Variants in SMYD2 observed in about 807,000 individuals in gnomAD.
The protein encoded by SMYD2 is N-lysine methyltransferase SMYD2.
In SMYD2, 53 loss-of-function variants were observed where a neutral mutation model predicts 59.1. The observed-to-expected ratio is 0.90, with a 90% CI of 0.72 to 1.13. SMYD2 has a LOEUF of 1.13. SMYD2 is among the 50% of genes most tolerant of loss of function. SMYD2 has a pLI of 0.00. For synonymous variants in SMYD2, 208 were observed against 198.8 expected, an observed-to-expected ratio of 1.05 and a Z score of -0.39; for missense variants, 494 against 544.7, an observed-to-expected ratio of 0.91 and a Z score of 0.93.
chr1:214,286,335 G>A (rs1175553153), intron 1 of SMYD2, among the ~76,000 whole-genome samples: 1 of 152,112 alleles, frequency 6.6e-6, no homozygotes, highest in African/African-American at 2.4e-5. Context: ...AGCCAGCTGT[G>A]GTAGCCTGGG....
In SMYD2 at chr1:214,284,253, GGTTTTTTTTTTT is replaced by G. The variant is rs1656495817; in HGVS notation, c.173+2827_173+2838del. Among the ~76,000 whole-genome samples the G allele has an allele frequency of 2.5e-4, 19 of 76,824 alleles. No individual in the cohort carries two copies. In the South Asian group the frequency reaches 6.7e-3, roughly 27 times the overall value. 50.4% of individuals were successfully genotyped at this position (76,824 alleles called of 152,430 possible). A position where few individuals can be genotyped will look rare whatever the true frequency, so the allele number is the denominator to read the frequency against. The stretch of plus-strand genomic sequence containing the variant: ...GCCATTTATCACCATTTTTTGGTGT[GGTTTTTTTTTTT>G]TTTTTTTTTTTTGAGACAGAGTTTC... On this transcript the variant is annotated intron_variant, in intron 1 of 11. Transcript: ENST00000366957.
chr1:214,297,897 T>C (rs758075668), intron 1 of SMYD2, among the ~76,000 whole-genome samples: 3 of 152,106 alleles, frequency 2.0e-5, no homozygotes, highest in Admixed American at 6.5e-5. Context: ...TGAAAGAAAT[T>C]AGAGATGACA....
rs912957340 is a variant in SMYD2, at chr1:214,330,598, C to G, written c.816+320C>G. ...TAATCTCTAGGCTTTCCAACCTGTTCACCAGAATATGTGGAAGTTTCCCTG... is the reference window on the plus strand; with the variant it reads ...TAATCTCTAGGCTTTCCAACCTGTTGACCAGAATATGTGGAAGTTTCCCTG... On this transcript the variant is annotated intron_variant, in intron 8 of 11. Coordinates refer to ENST00000366957, the MANE Select transcript of SMYD2 (RefSeq NM_020197.3). Among the ~76,000 whole-genome samples the G allele has an allele frequency of 2.6e-5, 4 of 152,238 alleles. 1 individual carries two copies. Among genetic ancestry groups the G allele is most frequent in the Admixed American group, 6.5e-5 (1 of 15,290 alleles).
chr1:214,330,326 G>T lies in SMYD2; in HGVS notation c.816+48G>T, dbSNP rs375586304. 6 of 1,303,010 alleles carry T rather than the reference G, an allele frequency of 4.6e-6. No homozygotes were observed. The South Asian group carries it at 7.7e-5, about 17-fold the overall frequency. 80.7% of individuals were successfully genotyped at this position (1,303,010 alleles called of 1,614,324 possible). On this transcript the variant is annotated intron_variant, in intron 8 of 11. Coordinates refer to ENST00000366957, the MANE Select transcript of SMYD2 (RefSeq NM_020197.3). Reference sequence around the variant, plus strand: ...AGCGCTGACTGCACTCTGATCTCAGGACCTCTCTGCTGAAGAGCTTGTCTG... The same window carrying T: ...AGCGCTGACTGCACTCTGATCTCAGTACCTCTCTGCTGAAGAGCTTGTCTG...
At chr1:214,316,504 AAAAC>A (rs1156924643) in intron 3 of SMYD2, among the ~76,000 whole-genome samples, 1 of 152,038 alleles carries the variant, frequency 6.6e-6, no homozygotes, top group Non-Finnish European at 1.5e-5. Flanking sequence ...ATGAAAAAAA[AAAAC>A]AAACTGAAAT....
intron 1 of SMYD2, among the ~76,000 whole-genome samples, chr1:214,298,671 T>C (rs1280269812): frequency 4.6e-5 from 7 of 152,166 alleles, no homozygotes; most frequent in Non-Finnish European, 8.8e-5. Flanking sequence ...ATCCAGAACC[T>C]GTGAAGAAGT....
At chr1:214,328,361 G>A (rs1284033227) in intron 7 of SMYD2, among the ~76,000 whole-genome samples, 1 of 152,138 alleles carries the variant, frequency 6.6e-6, no homozygotes, top group African/African-American at 2.4e-5. Flanking sequence ...TGTGGCCAAG[G>A]GGCACCTTAG....
intron 11 of SMYD2, among the ~76,000 whole-genome samples, chr1:214,336,157 C>A (rs909951062): frequency 3.1e-5 from 2 of 64,326 alleles, no homozygotes; most frequent in African/African-American, 2.2e-4. Flanking sequence ...CATCGTTTCT[C>A]CAGCTGGATA....
intron 1 of SMYD2, among the ~76,000 whole-genome samples, chr1:214,292,738 A>G (rs889825630): frequency 1.3e-5 from 2 of 152,004 alleles, no homozygotes; most frequent in Non-Finnish European, 2.9e-5. Flanking sequence ...CAAGTTCCCT[A>G]CTAAGTGCCC....
chr1:214,308,412 G>C (rs1299683672), intron 2 of SMYD2, among the ~76,000 whole-genome samples: 1 of 152,156 alleles, frequency 6.6e-6, no homozygotes, highest in Non-Finnish European at 1.5e-5. Context: ...AGAAATAAAG[G>C]GTAGCACAAG....
At chr1:214,296,951 T>C (rs1571921701) in intron 1 of SMYD2, among the ~76,000 whole-genome samples, 1 of 152,252 alleles carries the variant, frequency 6.6e-6, no homozygotes, top group African/African-American at 2.4e-5. Context: ...TTTATTCTTA[T>C]GTAAATGTTC....
intron 1 of SMYD2, among the ~76,000 whole-genome samples, chr1:214,288,313 A>G (rs560052356): frequency 4.6e-5 from 7 of 152,356 alleles, no homozygotes; most frequent in African/African-American, 1.7e-4. Flanking sequence ...TTACATAGAA[A>G]GAAACTGAGT....
At chr1:214,293,216 C>T (rs1175314064) in intron 1 of SMYD2, among the ~76,000 whole-genome samples, 5 of 151,998 alleles carry the variant, frequency 3.3e-5, no homozygotes, top group Non-Finnish European at 1.5e-5. Context: ...CCACGTCTGG[C>T]TAATTTTTAT....
chr1:214,318,848 T>C lies in SMYD2; in HGVS notation c.410-11T>C, dbSNP rs1209148497. The C allele has an allele frequency of 6.2e-6, 10 of 1,613,550 alleles. No individual in the cohort carries two copies. Among genetic ancestry groups the C allele is most frequent in the African/African-American group, 1.3e-5 (1 of 75,000 alleles). ...TTTCTACTGGGTGAATAATGGATTATTTATCCACAGATCTGGATAAGTTAG... is the reference window on the plus strand; with the variant it reads ...TTTCTACTGGGTGAATAATGGATTACTTATCCACAGATCTGGATAAGTTAG... On this transcript the variant is annotated splice_polypyrimidine_tract_variant and intron_variant, in intron 4 of 11. Coordinates refer to ENST00000366957, the MANE Select transcript of SMYD2 (RefSeq NM_020197.3). The surrounding 1 kb of genome is among the most constrained non-coding windows in gnomAD (Gnocchi z 5.4).
chr1:214,323,583 G>A (rs1657206459), intron 5 of SMYD2, among the ~76,000 whole-genome samples: 1 of 152,026 alleles, frequency 6.6e-6, no homozygotes, highest in Non-Finnish European at 1.5e-5. Flanking sequence ...TGGGATTACA[G>A]GTGCATGCCA....
intron 5 of SMYD2, among the ~76,000 whole-genome samples, chr1:214,322,273 C>T (rs548659818): frequency 6.6e-6 from 1 of 152,320 alleles, no homozygotes; most frequent in South Asian, 2.1e-4. Context: ...ATACCGGATA[C>T]AGGTCATGCT....
In SMYD2 at chr1:214,289,303, C is replaced by T. The variant is rs185860828; in HGVS notation, c.173+7876C>T. On this transcript the variant is annotated intron_variant, in intron 1 of 11. Transcript: ENST00000366957. ...GGTGTTTTAGGCTTACTGCTTTGAA[C>T]TTAGGTTAATATTCCCTCCTCTTTT... 1.2e-3 allele frequency among the ~76,000 whole-genome samples: 184 copies of T among 152,264 alleles called. 4 individuals are homozygous for T. In the South Asian group the frequency reaches 0.035, roughly 29 times the overall value.
At chr1:214,300,025 G>A (rs999665954) in intron 1 of SMYD2, among the ~76,000 whole-genome samples, 3 of 152,184 alleles carry the variant, frequency 2.0e-5, no homozygotes, top group Non-Finnish European at 4.4e-5. Context: ...GAAAACCTAT[G>A]TATTGGGCAC....
At position 214,336,804 on chromosome 1, in the gene SMYD2, T is replaced by C. The variant is rs1657447471; in HGVS notation, c.*20T>C. 6.2e-7 allele frequency: 1 copy of C among 1,603,878 alleles called. No homozygotes were observed. The highest frequency in any genetic ancestry group is 8.5e-7 in the Non-Finnish European group (1 of 1,173,454). ...CACTGAAACTATGCAGCATTTCAGTTTTCATTTAAACACTTAGTTCAGAAA... is the reference window on the plus strand; with the variant it reads ...CACTGAAACTATGCAGCATTTCAGTCTTCATTTAAACACTTAGTTCAGAAA... On this transcript the variant is annotated 3_prime_UTR_variant, in exon 12 of 12. Transcript: ENST00000366957.
Sources: gnomAD v4.1 joint callset for allele counts (sites outside exome capture counted in the v4.1 genomes callset) on GRCh38, gnomAD v4.1.1 for gene constraint, Gnocchi (gnomAD v3.1) non-coding constraint, MANE v1.5 for transcripts, NCBI Gene and HGNC (gene_info 2026-07-23, HGNC 2026-07-21) for gene names.